Variants in KLRD1 observed in about 807,000 individuals in gnomAD.
KLRD1 encodes the protein natural killer cells antigen CD94.
Under a neutral mutation model 22.6 loss-of-function variants are expected in KLRD1, and 21 were observed. The ratio of observed to expected loss-of-function variants is 0.93; its 90% confidence interval spans 0.66 to 1.34. The LOEUF (loss-of-function observed/expected upper bound fraction) is 1.34. Among genes scored for constraint, KLRD1 ranks in the 40% most tolerant of loss-of-function variants. The pLI, the probability that KLRD1 is intolerant of heterozygous loss-of-function variation, is 0.00. For missense variants in KLRD1, 183 were observed against 208.6 expected, an observed-to-expected ratio of 0.88 and a Z score of 0.76; for synonymous variants, 59 against 71.1, an observed-to-expected ratio of 0.83 and a Z score of 0.85.
At chr12:10,300,914 T>C (rs1949860874), upstream of KLRD1, among the ~76,000 whole-genome samples, 2 of 152,230 alleles carry the variant, frequency 1.3e-5, no homozygotes, top group South Asian at 4.1e-4. Flanking sequence ...TGACCCAAAC[T>C]CTGCTAGCTT....
chr12:10,243,633 A>AT, intron 1 of KLRD1, among the ~76,000 whole-genome samples: 1 of 146,090 alleles, frequency 6.8e-6, no homozygotes, highest in East Asian at 2.0e-4. Context: ...AAAAAAAAAA[A>AT]CCGAAATGAA....
At chr12:10,305,386 A>G (rs1237486686), upstream of KLRD1, among the ~76,000 whole-genome samples, 1 of 152,218 alleles carries the variant, frequency 6.6e-6, no homozygotes, top group East Asian at 1.9e-4. Flanking sequence ...GAATACTTTG[A>G]GTAGAAACTT....
chr12:10,249,817 G>C (rs1312916255), intron 1 of KLRD1, among the ~76,000 whole-genome samples: 1 of 152,184 alleles, frequency 6.6e-6, no homozygotes, highest in Non-Finnish European at 1.5e-5. Flanking sequence ...ACACAGGAAG[G>C]GACCCTTACT....
intron 1 of KLRD1, among the ~76,000 whole-genome samples, chr12:10,242,343 A>G (rs1414511019): frequency 6.6e-6 from 1 of 152,058 alleles, no homozygotes; most frequent in African/African-American, 2.4e-5. Flanking sequence ...TTAACAAAAC[A>G]CATTACACAA....
At chr12:10,247,453 T>C (rs1216362355) in intron 1 of KLRD1, among the ~76,000 whole-genome samples, 1 of 152,218 alleles carries the variant, frequency 6.6e-6, no homozygotes, top group Non-Finnish European at 1.5e-5. Context: ...CTAATTTTTG[T>C]ATAACATTTT....
intron 1 of KLRD1, among the ~76,000 whole-genome samples, chr12:10,296,590 C>G (rs955820074): frequency 4.6e-5 from 7 of 151,990 alleles, no homozygotes; most frequent in Non-Finnish European, 1.0e-4. Flanking sequence ...ATCTACTCAT[C>G]TAAGTTCCTA....
At chr12:10,239,417 T>TTTCC (rs36153976) in intron 1 of KLRD1, among the ~76,000 whole-genome samples, 4,196 of 55,214 alleles carry the variant, frequency 0.076, 464 homozygotes, top group East Asian at 0.22. Context: ...TCCTTCCTTC[T>TTTCC]TTCCATCCTT....
At chr12:10,254,708 G>A (rs529819314) in intron 1 of KLRD1, among the ~76,000 whole-genome samples, 1 of 152,074 alleles carries the variant, frequency 6.6e-6, no homozygotes, top group South Asian at 2.1e-4. Flanking sequence ...GGTCAACATG[G>A]TGAAACCCTG....
chr12:10,304,548 G>A (rs1167626153), upstream of KLRD1: 5 of 152,194 alleles, frequency 3.3e-5, no homozygotes. Flanking sequence ...GGGGTTACAG[G>A]TGAGTGCCAC....
At chr12:10,310,707 C>A (rs11053738) in intron 3 of KLRD1, among the ~76,000 whole-genome samples, 84,785 of 151,934 alleles carry the variant, frequency 0.56, 24,559 homozygotes, top group Middle Eastern at 0.68. Context: ...ATCACTTGAA[C>A]CTGGGAGGCG....
chr12:10,249,037 C>T (rs1949321240), intron 1 of KLRD1, among the ~76,000 whole-genome samples: 1 of 152,094 alleles, frequency 6.6e-6, no homozygotes. Flanking sequence ...ATTCCATTTG[C>T]ATCTATAATT....
chr12:10,280,650 A>G (rs1375961181), intron 1 of KLRD1, among the ~76,000 whole-genome samples: 1 of 152,146 alleles, frequency 6.6e-6, no homozygotes, highest in Non-Finnish European at 1.5e-5. Flanking sequence ...TTCTCATCCC[A>G]GCTTCTCTTC....
intron 1 of KLRD1, among the ~76,000 whole-genome samples, chr12:10,269,484 A>G (rs565558545): frequency 6.6e-6 from 1 of 152,196 alleles, no homozygotes; most frequent in East Asian, 1.9e-4. Flanking sequence ...TCAGCCAGGT[A>G]TCTATTTGGA....
Position 10,307,952 on chromosome 12 carries a change from TAAA to T in KLRD1, c.-125_-123del. The T allele has an allele frequency of 4.7e-6, 4 of 851,224 alleles. No homozygotes were observed. In the Admixed American group the frequency reaches 6.6e-5, roughly 14 times the overall value. 52.7% of individuals were successfully genotyped at this position (851,224 alleles called of 1,614,324 possible). A position where few individuals can be genotyped will look rare whatever the true frequency, so the allele number is the denominator to read the frequency against. ...ACAATTTTTCATTCTCTATTTTTGC[TAAA>T]TTTCTTCATACTCAACTTTCAGATT... On this transcript the variant is annotated 5_prime_UTR_variant, in exon 1 of 6. It removes the in-frame stop codon of an upstream open reading frame in the 5' UTR. Transcript: ENST00000336164.
rs1950359100 is a variant in KLRD1, at chr12:10,326,099, T to C, written c.*11306T>C. ...TTCATATGCCCATTGACCCTTTGTA[T>C]GTTTTTTATGAAGAAATGACCATTC... On this transcript the variant is annotated 3_prime_UTR_variant, in exon 6 of 6. Coordinates refer to ENST00000336164, the MANE Select transcript of KLRD1 (RefSeq NM_002262.5). The C allele has an allele frequency of 6.6e-6, 1 of 152,230 alleles. No homozygotes were observed. Among genetic ancestry groups the C allele is most frequent in the African/African-American group, 2.4e-5 (1 of 41,446 alleles). The allele number at this position is 152,230 out of a possible 1,614,324, so 9.4% of individuals were successfully genotyped here.
chr12:10,313,249 C>G (rs532544495), intron 4 of KLRD1, among the ~76,000 whole-genome samples, 161 bp from the exon 5 acceptor site: 203 of 152,238 alleles, frequency 1.3e-3, no homozygotes, highest in African/African-American at 4.5e-3. Context: ...TGAGAACTTT[C>G]AGTCTTGTGA....
chr12:10,271,004 G>A (rs989364450), intron 1 of KLRD1, among the ~76,000 whole-genome samples: 6 of 151,734 alleles, frequency 4.0e-5, no homozygotes, highest in Admixed American at 2.6e-4. Context: ...GGCTGGTCTC[G>A]AATTCCTGAC....
chr12:10,299,109 G>A lies in KLRD1; in HGVS notation c.-100-8869G>A, dbSNP rs867094433. 4.0e-5 allele frequency among the ~76,000 whole-genome samples: 6 copies of A among 151,670 alleles called. No individual in the cohort carries two copies. In the South Asian group the frequency reaches 1.2e-3, roughly 31 times the overall value. On this transcript the variant is annotated intron_variant, in intron 1 of 5. Transcript: ENST00000544747. ...ACTTTTCCAGCAAAGAATCAATCTA[G>A]GATTTACTCTGTGTAAACAAACCAA... is the stretch of plus-strand genomic sequence containing the variant.
In KLRD1 at chr12:10,323,362, G is replaced by C. The variant is rs1950327807; in HGVS notation, c.*8569G>C. On this transcript the variant is annotated 3_prime_UTR_variant, in exon 6 of 6. Coordinates refer to ENST00000336164, the MANE Select transcript of KLRD1 (RefSeq NM_002262.5). ...ATTATTTTAGTCTAAGGACCTTCTG[G>C]ATACTATGCATTTGCATACAATTGT... 6.6e-6 allele frequency: 1 copy of C among 151,918 alleles called. No homozygotes were observed. Among genetic ancestry groups the C allele is most frequent in the Admixed American group, 6.6e-5 (1 of 15,266 alleles). The allele number at this position is 151,918 out of a possible 1,614,324, so 9.4% of individuals were successfully genotyped here.
Sources: allele counts gnomAD v4.1 joint callset (sites outside exome capture counted in the v4.1 genomes callset), GRCh38; gene constraint gnomAD v4.1.1; transcripts MANE v1.5; gene names NCBI Gene and HGNC (gene_info 2026-07-23, HGNC 2026-07-21).